The following NCAM2 variants were observed in gnomAD, a reference collection of about 807,000 sequenced individuals.
NCAM2 encodes the protein N-CAM-2.
NCAM2 carries 30 observed loss-of-function variants against 98.1 expected under a neutral mutation model. The observed-to-expected ratio is 0.31, with a 90% CI of 0.23 to 0.41. The LOEUF (loss-of-function observed/expected upper bound fraction) is 0.41. NCAM2 is among the 10% of genes least tolerant of loss of function. The pLI, the probability that NCAM2 is intolerant of heterozygous loss-of-function variation, is 1.00. For missense variants in NCAM2, 867 were observed against 1,005.8 expected (o/e 0.86, Z 1.87); for synonymous variants, 368 against 342.4 (o/e 1.07, Z -0.83).
intron 1 of NCAM2, among the ~76,000 whole-genome samples, chr21:21,198,166 T>G (rs1156883070): frequency 6.7e-6 from 1 of 150,230 alleles, no homozygotes. Context: ...TAGTTATTTT[T>G]TTAAATATGT....
chr21:21,178,719 A>G (rs1345963340), intron 1 of NCAM2, among the ~76,000 whole-genome samples: 1 of 151,822 alleles, frequency 6.6e-6, no homozygotes, highest in Non-Finnish European at 1.5e-5. Flanking sequence ...ATTCTAGTCT[A>G]TATTATTTTA....
chr21:21,259,919 AACACACACACACACACACACACACACAC>A (rs10618210), intron 1 of NCAM2, among the ~76,000 whole-genome samples: 1 of 141,976 alleles, frequency 7.0e-6, no homozygotes, highest in Non-Finnish European at 1.5e-5. Flanking sequence ...AATAAGAAGC[AACACACACACACACACACACACACACAC>A]ACACACACAC....
At chr21:21,219,861 A>G (rs903918054) in intron 1 of NCAM2, among the ~76,000 whole-genome samples, 2 of 152,170 alleles carry the variant, frequency 1.3e-5, no homozygotes, top group Non-Finnish European at 2.9e-5. Context: ...AGTGATATTG[A>G]TAATTCTGAT....
chr21:21,221,590 G>T (rs1217699541), intron 1 of NCAM2, among the ~76,000 whole-genome samples: 1 of 152,186 alleles, frequency 6.6e-6, no homozygotes, highest in Non-Finnish European at 1.5e-5. Context: ...ATTCCCTTAA[G>T]CCATTGCCTA....
intron 1 of NCAM2, among the ~76,000 whole-genome samples, chr21:21,173,263 A>G (rs2068179875): frequency 6.6e-6 from 1 of 152,202 alleles, no homozygotes; most frequent in Non-Finnish European, 1.5e-5. Context: ...TTGGAAAGAA[A>G]GTGGACAATG....
intron 10 of NCAM2, among the ~76,000 whole-genome samples, chr21:21,417,123 T>C (rs2077011166): frequency 6.6e-6 from 1 of 152,142 alleles, no homozygotes; most frequent in Admixed American, 6.5e-5. Flanking sequence ...CACATTTCTT[T>C]GTTGTGGCTA....
chr21:21,288,358 G>A (rs1012673874), intron 4 of NCAM2, among the ~76,000 whole-genome samples: 138 of 151,790 alleles, frequency 9.1e-4, no homozygotes, highest in Middle Eastern at 3.4e-3. Context: ...GACATGTATC[G>A]CTCTCATTCC....
chr21:21,479,608 A>AAAAAAAAAAAAAAAAAAAAAT (rs1491473437), intron 15 of NCAM2, among the ~76,000 whole-genome samples: 1 of 127,916 alleles, frequency 7.8e-6, no homozygotes, highest in Non-Finnish European at 1.8e-5. Context: ...AAAAAAAAAA[A>AAAAAAAAAAAAAAAAAAAAAT]TTGTTGATGA....
At chr21:21,163,569 G>A (rs578177800) in intron 1 of NCAM2, among the ~76,000 whole-genome samples, 11 of 152,074 alleles carry the variant, frequency 7.2e-5, no homozygotes, top group East Asian at 1.9e-4. Context: ...TTGATATAAC[G>A]TACATGAATT....
chr21:21,191,526 CTTTAG>C (rs1468092907), intron 1 of NCAM2, among the ~76,000 whole-genome samples: 1 of 151,926 alleles, frequency 6.6e-6, no homozygotes, highest in African/African-American at 2.4e-5. Context: ...AATGTTATGC[CTTTAG>C]TTTACATACA....
chr21:21,318,742 T>C (rs1045143044), intron 5 of NCAM2, among the ~76,000 whole-genome samples: 1 of 152,218 alleles, frequency 6.6e-6, no homozygotes, highest in African/African-American at 2.4e-5. Context: ...AAACAAATGC[T>C]GTAATAGATA....
At chr21:21,322,011 G>A (rs190117738) in intron 5 of NCAM2, among the ~76,000 whole-genome samples, 2 of 152,252 alleles carry the variant, frequency 1.3e-5, no homozygotes, top group East Asian at 3.9e-4. Context: ...GCACTCGTAC[G>A]ATTATCACAG....
intron 1 of NCAM2, among the ~76,000 whole-genome samples, chr21:21,024,927 TTTG>T (rs2146199906): frequency 6.6e-6 from 1 of 152,130 alleles, no homozygotes; most frequent in South Asian, 2.1e-4. Context: ...AAAAAAAGGT[TTTG>T]TTTTGTTTTG....
intron 1 of NCAM2, among the ~76,000 whole-genome samples, chr21:21,253,588 G>C (rs1170175793): frequency 1.3e-5 from 2 of 152,116 alleles, no homozygotes; most frequent in Non-Finnish European, 2.9e-5. Context: ...TGGAATACCT[G>C]AATCTTTGAC....
chr21:21,398,239 C>A (rs1161699909), intron 9 of NCAM2, among the ~76,000 whole-genome samples: 1 of 152,060 alleles, frequency 6.6e-6, no homozygotes, highest in Non-Finnish European at 1.5e-5. Context: ...AAGAATGATA[C>A]AATGGACTTT....
intron 1 of NCAM2, among the ~76,000 whole-genome samples, chr21:21,129,098 C>T (rs116477200): frequency 0.014 from 2,104 of 152,158 alleles, 50 homozygotes; most frequent in African/African-American, 0.048. Context: ...AATTTTAAAA[C>T]GTATAAATTT....
At chr21:21,244,764 T>C (rs1179564595) in intron 1 of NCAM2, among the ~76,000 whole-genome samples, 1 of 149,628 alleles carries the variant, frequency 6.7e-6, no homozygotes, top group Non-Finnish European at 1.5e-5. Flanking sequence ...GGAGAATCAC[T>C]TGAACCTGGG....
intron 15 of NCAM2, 63 bp from the exon 16 acceptor site, chr21:21,508,788 G>A: frequency 9.3e-7 from 1 of 1,074,520 alleles, no homozygotes; most frequent in Non-Finnish European, 1.3e-6. Context: ...TTCTAATTTA[G>A]AGGTTTAATA....
intron 5 of NCAM2, among the ~76,000 whole-genome samples, chr21:21,297,637 A>G (rs1383422627): frequency 6.6e-6 from 1 of 151,742 alleles, no homozygotes; most frequent in African/African-American, 2.4e-5. Flanking sequence ...ACGCTTTTCT[A>G]AAAGAGGATT....
Sources: gnomAD v4.1 joint callset for allele counts (sites outside exome capture counted in the v4.1 genomes callset) on GRCh38, gnomAD v4.1.1 for gene constraint, MANE v1.5 for transcripts, NCBI Gene and HGNC (gene_info 2026-07-23, HGNC 2026-07-21) for gene names.